The following DPP6 variants were observed in gnomAD, a reference collection of about 807,000 sequenced individuals.
DPP6 encodes the protein dipeptidyl peptidase like 6.
In DPP6, 69 loss-of-function variants were observed where a neutral mutation model predicts 122.6. The observed-to-expected ratio is 0.56, with a 90% CI of 0.46 to 0.69. DPP6 has a LOEUF of 0.69. Ranked by LOEUF, DPP6 falls within the 30% of genes least tolerant of loss-of-function variation. DPP6 has a pLI of 0.00. For synonymous variants in DPP6, 418 were observed against 433.1 expected (o/e 0.97, Z 0.43); for missense variants, 928 against 1,116.9 (o/e 0.83, Z 2.41).
intron 1 of DPP6, among the ~76,000 whole-genome samples, chr7:154,389,337 C>T (rs1446382438): frequency 2.6e-5 from 4 of 152,102 alleles, no homozygotes; most frequent in Non-Finnish European, 5.9e-5. Context: ...TTAATCGTGC[C>T]TTGAAATCTA....
intron 6 of DPP6, among the ~76,000 whole-genome samples, chr7:154,658,570 T>A (rs902374590): frequency 6.6e-6 from 1 of 152,078 alleles, no homozygotes; most frequent in African/African-American, 2.4e-5. Flanking sequence ...GCAGGGACCC[T>A]GGGCCAAGCT....
At chr7:153,975,962 A>T (rs1173393345) in intron 1 of DPP6, among the ~76,000 whole-genome samples, 1 of 152,202 alleles carries the variant, frequency 6.6e-6, no homozygotes, top group African/African-American at 2.4e-5. Flanking sequence ...TGAGTGGCTA[A>T]TTGAAAAGCT....
At chr7:153,782,851 A>G in the DPP6 span, among the ~76,000 whole-genome samples, 1 of 152,132 alleles carries the variant, frequency 6.6e-6, no homozygotes, top group Non-Finnish European at 1.5e-5. Context: ...GTTCCAGTCA[A>G]GGTCCATAGA....
At chr7:154,407,548 C>A (rs752394213) in intron 1 of DPP6, among the ~76,000 whole-genome samples, 2 of 152,184 alleles carry the variant, frequency 1.3e-5, no homozygotes, top group Non-Finnish European at 2.9e-5. Flanking sequence ...GGTCCCCTTT[C>A]TGCAGTTCCT....
intron 5 of DPP6, among the ~76,000 whole-genome samples, chr7:154,592,321 A>G (rs968025915): frequency 6.6e-6 from 1 of 152,224 alleles, no homozygotes; most frequent in Non-Finnish European, 1.5e-5. Context: ...TTTAAAACAT[A>G]TTACCAAACT....
intron 1 of DPP6, among the ~76,000 whole-genome samples, chr7:154,311,048 C>T (rs1441109341): frequency 1.3e-5 from 2 of 152,240 alleles, no homozygotes; most frequent in South Asian, 2.1e-4. Context: ...TCTGAGAGGT[C>T]AATGGTTGAC....
At position 154,382,425 on chromosome 7, in the gene DPP6, G is replaced by A. The variant is rs199961856; in HGVS notation, c.244-63789G>A. ...TGCAAACTTTAGAACTTGTTGTCAA[G>A]ATGTCAGTTGAATCTTAATTAACCA... On this transcript the variant is annotated intron_variant, in intron 1 of 25. Transcript: ENST00000377770. Among the ~76,000 whole-genome samples the A allele has an allele frequency of 9.2e-5, 14 of 152,336 alleles. No homozygotes were observed. In the East Asian group the frequency reaches 2.7e-3, roughly 29 times the overall value.
intron 5 of DPP6, among the ~76,000 whole-genome samples, chr7:154,572,746 C>T (rs538287567): frequency 6.7e-6 from 1 of 150,334 alleles, no homozygotes. Flanking sequence ...GTGGCACGAT[C>T]TCAGCTCACT....
At chr7:154,047,160 G>A (rs73163497) in intron 1 of DPP6, among the ~76,000 whole-genome samples, 8,267 of 150,162 alleles carry the variant, frequency 0.055, 267 homozygotes, top group East Asian at 0.095. Context: ...CTCACAGTCA[G>A]TTCTAAGGCT....
At chr7:153,966,554 C>CTTTTTTTTTTTTTTTTTTTTTTTT (rs753840054) in intron 1 of DPP6, among the ~76,000 whole-genome samples, 1 of 41,362 alleles carries the variant, frequency 2.4e-5, no homozygotes. Flanking sequence ...CCTGTGTTGG[C>CTTTTTTTTTTTTTTTTTTTTTTTT]TTTTTTTTTT....
chr7:154,023,317 T>TACAC (rs1563109129), intron 1 of DPP6, among the ~76,000 whole-genome samples: 1 of 40,964 alleles, frequency 2.4e-5, no homozygotes, highest in African/African-American at 1.2e-4. Context: ...GTTTCTTGTC[T>TACAC]GCACACACAC....
At chr7:153,853,749 T>A in the DPP6 span, among the ~76,000 whole-genome samples, 3 of 152,216 alleles carry the variant, frequency 2.0e-5, no homozygotes, top group Non-Finnish European at 4.4e-5. Flanking sequence ...AAACATTGTT[T>A]GCTAACTTTA....
In DPP6 at chr7:153,976,091, C is replaced by T. The variant is rs545840432; in HGVS notation, c.51+88357C>T. Among the ~76,000 whole-genome samples, 5 of 152,206 alleles carry T rather than the reference C, an allele frequency of 3.3e-5. No homozygotes were observed. In the East Asian group the frequency reaches 9.7e-4, roughly 29 times the overall value. Reference sequence around the variant, plus strand: ...TGTGAGGTCTTAGGCTGTGCTTGGACTTGGACATGAACTGGGAAGGGTGAA... The same window carrying T: ...TGTGAGGTCTTAGGCTGTGCTTGGATTTGGACATGAACTGGGAAGGGTGAA... On this transcript the variant is annotated intron_variant, in intron 1 of 25. Coordinates refer to the DPP6 transcript ENST00000404039.
At chr7:154,744,252 A>G (rs1048099836) in intron 8 of DPP6, among the ~76,000 whole-genome samples, 3 of 152,178 alleles carry the variant, frequency 2.0e-5, no homozygotes, top group Non-Finnish European at 1.5e-5. Flanking sequence ...TATAGAAGAA[A>G]GGAAGACTGG....
intron 1 of DPP6, among the ~76,000 whole-genome samples, chr7:153,943,712 C>A (rs1196372457): frequency 1.3e-5 from 2 of 152,176 alleles, no homozygotes; most frequent in Non-Finnish European, 2.9e-5. Context: ...AAGAGTTTTT[C>A]ATTGCTTATT....
At chr7:154,188,337 C>G (rs1204803217) in intron 1 of DPP6, among the ~76,000 whole-genome samples, 1 of 152,088 alleles carries the variant, frequency 6.6e-6, no homozygotes, top group Non-Finnish European at 1.5e-5. Flanking sequence ...TTTGTCTTGG[C>G]TACACCGAGG....
the DPP6 span, among the ~76,000 whole-genome samples, chr7:153,763,492 G>T: frequency 1.3e-5 from 2 of 151,660 alleles, no homozygotes; most frequent in Admixed American, 6.6e-5. Flanking sequence ...AACTGAATTT[G>T]TCAGAAAAAT....
At chr7:153,986,343 G>A (rs902980665) in intron 1 of DPP6, among the ~76,000 whole-genome samples, 3 of 150,588 alleles carry the variant, frequency 2.0e-5, no homozygotes, top group African/African-American at 7.3e-5. Flanking sequence ...TTTTTTTATG[G>A]CTTCTTCTGA....
intron 1 of DPP6, among the ~76,000 whole-genome samples, chr7:154,321,127 A>G (rs907236352): frequency 2.0e-5 from 3 of 152,106 alleles, no homozygotes; most frequent in South Asian, 2.1e-4. Flanking sequence ...ACAAAAAAAT[A>G]CCAAAATTAG....
Sources: allele counts gnomAD v4.1 joint callset (sites outside exome capture counted in the v4.1 genomes callset), GRCh38; gene constraint gnomAD v4.1.1; transcripts MANE v1.5; gene names NCBI Gene and HGNC (gene_info 2026-07-23, HGNC 2026-07-21).